SGMS2: variants seen among roughly 807,000 people sequenced by gnomAD.
SGMS2 encodes the protein phosphatidylcholine:ceramide cholinephosphotransferase 2.
A neutral mutation model predicts 43.8 loss-of-function variants in SGMS2; 21 were observed. The ratio of observed to expected loss-of-function variants is 0.48; its 90% CI spans 0.34 to 0.69. The LOEUF is 0.69. SGMS2 is among the 30% of genes least tolerant of loss of function. SGMS2 has a pLI of 0.01. For synonymous variants in SGMS2, 167 were observed against 160.6 expected, an observed-to-expected ratio of 1.04 and a Z score of -0.30; for missense variants, 384 against 443.2, an observed-to-expected ratio of 0.87 and a Z score of 1.20.
Position 107,908,591 on chromosome 4 carries a change from C to A in SGMS2, c.754C>A (p.His252Asn). The change falls in exon 6 of 7, where the codon CAT becomes AAT. Residue 252 changes from histidine to asparagine, a missense_variant. His to Asn is a moderately conservative substitution (Grantham distance 68). Coordinates refer to ENST00000690982, the MANE Select transcript of SGMS2 (RefSeq NM_001375905.1). ...TTCGCCTCGTCACTTCTGGTGGTAT[C>A]ATTTAATCTGCTGGCTGCTGAGTGC... ...EYSPRHFWWY[H>N]LICWLLSAAG... 1.2e-6 allele frequency: 2 copies of A among 1,613,970 alleles called. No individual in the cohort carries two copies. The highest frequency in any genetic ancestry group is 1.7e-6 in the Non-Finnish European group (2 of 1,179,924).
intron 1 of SGMS2, among the ~76,000 whole-genome samples, chr4:107,847,615 A>G (rs1726907947): frequency 6.6e-6 from 1 of 152,120 alleles, no homozygotes; most frequent in Non-Finnish European, 1.5e-5. Flanking sequence ...TTGGTTCCAT[A>G]TGAACTTTAA....
At chr4:107,854,290 G>A (rs536452685) in intron 1 of SGMS2, among the ~76,000 whole-genome samples, 14 of 152,262 alleles carry the variant, frequency 9.2e-5, no homozygotes, top group Admixed American at 2.6e-4. Context: ...GGTTTGCACC[G>A]TATAACTAGT....
intron 5 of SGMS2, among the ~76,000 whole-genome samples, chr4:107,906,945 G>A (rs1047351652): frequency 6.6e-6 from 1 of 152,130 alleles, no homozygotes; most frequent in African/African-American, 2.4e-5. Context: ...CCTTGGGGGT[G>A]GGAGGCGGGT....
chr4:107,865,475 C>G (rs1054106874), intron 2 of SGMS2, among the ~76,000 whole-genome samples: 2 of 152,160 alleles, frequency 1.3e-5, no homozygotes, highest in African/African-American at 4.8e-5. Flanking sequence ...AAAGTACCAA[C>G]TATTTATAAA....
chr4:107,866,342 G>A (rs1728117614), intron 2 of SGMS2, among the ~76,000 whole-genome samples: 1 of 152,090 alleles, frequency 6.6e-6, no homozygotes, highest in South Asian at 2.1e-4. Context: ...GAGGTAGGTG[G>A]ATCACCTGAG....
chr4:107,860,036 G>T (rs1022066305), intron 2 of SGMS2, among the ~76,000 whole-genome samples: 1 of 151,418 alleles, frequency 6.6e-6, no homozygotes, highest in African/African-American at 2.4e-5. Context: ...CATACATTTC[G>T]CATTCACAGA....
intron 1 of SGMS2, among the ~76,000 whole-genome samples, chr4:107,843,711 A>C (rs1560633124): frequency 6.6e-6 from 1 of 152,204 alleles, no homozygotes; most frequent in South Asian, 2.1e-4. Context: ...AGTGTGACCA[A>C]CCAGGTTCCA....
intron 2 of SGMS2, among the ~76,000 whole-genome samples, chr4:107,886,251 A>G (rs1729741253): frequency 6.6e-6 from 1 of 151,762 alleles, no homozygotes; most frequent in African/African-American, 2.4e-5. Context: ...CCAGGCTGGA[A>G]TGCAGTGGTG....
intron 1 of SGMS2, among the ~76,000 whole-genome samples, chr4:107,844,458 T>C (rs1277628322): frequency 6.6e-6 from 1 of 152,018 alleles, no homozygotes; most frequent in African/African-American, 2.4e-5. Context: ...CCCCAGCACT[T>C]TGGGAGGCTG....
rs1345202089 is a variant in SGMS2, at chr4:107,895,895, A to G, written c.342A>G (p.Pro114=). ...VPPKELSPPL[P]DKFFDYIDRV... ...CCAAGGAGCTTAGCCCTCCACTCCC[A>G]GACAAGTTTTTTGATTACATTGATA... is the stretch of plus-strand genomic sequence containing the variant. Residue 114 remains proline (P), a synonymous_variant, in exon 3 of 7, where the codon CCA becomes CCG. Transcript: ENST00000690982. 2 of 1,613,944 alleles carry G rather than the reference A, an allele frequency of 1.2e-6. No individual in the cohort carries two copies. Among genetic ancestry groups the G allele is most frequent in the Middle Eastern group, 1.7e-4 (1 of 6,056 alleles).
chr4:107,841,349 G>A (rs922939233), intron 1 of SGMS2, among the ~76,000 whole-genome samples: 1 of 151,900 alleles, frequency 6.6e-6, no homozygotes, highest in Non-Finnish European at 1.5e-5. Context: ...ACCCCTGAAG[G>A]CACCTTTTAG....
chr4:107,852,220 C>T (rs1210034645), intron 1 of SGMS2, among the ~76,000 whole-genome samples: 1 of 151,746 alleles, frequency 6.6e-6, no homozygotes, highest in East Asian at 1.9e-4. Context: ...AGGTGCCTGC[C>T]ATCACTTACA....
intron 1 of SGMS2, among the ~76,000 whole-genome samples, chr4:107,842,461 A>C (rs527841981): frequency 6.6e-6 from 1 of 152,322 alleles, no homozygotes; most frequent in South Asian, 2.1e-4. Flanking sequence ...ATGGTGCCGA[A>C]CCAATTCATG....
chr4:107,879,058 T>G (rs1445449057), intron 2 of SGMS2, among the ~76,000 whole-genome samples: 1 of 151,760 alleles, frequency 6.6e-6, no homozygotes, highest in Non-Finnish European at 1.5e-5. Context: ...ATATTTGCTG[T>G]GGGTAAGTAC....
At chr4:107,905,573 TC>T (rs1731488511) in intron 5 of SGMS2, among the ~76,000 whole-genome samples, 1 of 152,222 alleles carries the variant, frequency 6.6e-6, no homozygotes, top group African/African-American at 2.4e-5. Flanking sequence ...TTCCCATTTT[TC>T]AGATGAGTAA....
At chr4:107,893,965 G>A (rs1410605150) in intron 2 of SGMS2, among the ~76,000 whole-genome samples, 1 of 152,144 alleles carries the variant, frequency 6.6e-6, no homozygotes, top group African/African-American at 2.4e-5. Flanking sequence ...CAGGTCAGGT[G>A]TTTTTCACTC....
At chr4:107,848,512 T>A (rs1210788251) in intron 1 of SGMS2, among the ~76,000 whole-genome samples, 1 of 152,172 alleles carries the variant, frequency 6.6e-6, no homozygotes. Flanking sequence ...CCAGTGTGGG[T>A]GGATTATTTT....
intron 1 of SGMS2, among the ~76,000 whole-genome samples, chr4:107,843,168 GTT>G (rs911201117): frequency 2.1e-5 from 3 of 143,098 alleles, no homozygotes; most frequent in African/African-American, 2.5e-5. Context: ...AGACTCACTG[GTT>G]TTTTTTTTTT....
chr4:107,839,489 T>A (rs1176079711), intron 1 of SGMS2, among the ~76,000 whole-genome samples: 1 of 152,132 alleles, frequency 6.6e-6, no homozygotes, highest in Non-Finnish European at 1.5e-5. Context: ...AGTGTATTGC[T>A]AATGGAGGAT....
Sources: allele counts gnomAD v4.1 joint callset (sites outside exome capture counted in the v4.1 genomes callset), GRCh38; gene constraint gnomAD v4.1.1; transcripts MANE v1.5; gene names NCBI Gene and HGNC (gene_info 2026-07-23, HGNC 2026-07-21).